Variants in SHISAL2B observed in about 807,000 individuals in gnomAD.
SHISAL2B encodes protein shisa-like-2B.
In SHISAL2B, 12 loss-of-function variants were observed where a neutral mutation model predicts 16.5. That is an observed-to-expected ratio of 0.73 (90% CI 0.47 to 1.18). SHISAL2B has a LOEUF of 1.18. Among genes scored for constraint, SHISAL2B ranks in the 50% most tolerant of loss-of-function variants. The pLI, the probability that SHISAL2B is intolerant of heterozygous loss-of-function variation, is 0.00. For synonymous variants in SHISAL2B, 72 were observed against 75.0 expected (o/e 0.96, Z 0.21); for missense variants, 183 against 193.6 (o/e 0.95, Z 0.33).
Position 64,690,545 on chromosome 5 carries a change from C to T in SHISAL2B, c.-79C>T. The T allele has an allele frequency of 1.6e-6, 2 of 1,230,332 alleles. No individual in the cohort carries two copies. The highest frequency in any genetic ancestry group is 2.1e-6 in the Non-Finnish European group (2 of 937,666). 76.2% of individuals were successfully genotyped at this position (1,230,332 alleles called of 1,614,324 possible). A position where few individuals can be genotyped will look rare whatever the true frequency, so the allele number is the denominator to read the frequency against. Reference sequence around the variant, plus strand: ...AGCCGAGTCCGGGCAGAGGGGTCCGCGGGCTCTGGAGGTGCTGGACGGGTG... The same window carrying T: ...AGCCGAGTCCGGGCAGAGGGGTCCGTGGGCTCTGGAGGTGCTGGACGGGTG... On this transcript the variant is annotated 5_prime_UTR_variant, in exon 1 of 3. Coordinates refer to ENST00000389074, the MANE Select transcript of SHISAL2B (RefSeq NM_001164442.2).
chr5:64,690,942 G>A, intron 1 of SHISAL2B, 128 bp downstream of exon 1: 1 of 751,372 alleles, frequency 1.3e-6, no homozygotes, highest in Non-Finnish European at 2.0e-6. Flanking sequence ...AGGTCCCTAC[G>A]GAAGGACGCG....
rs1169464183 is a variant in SHISAL2B at position 64,693,931 on chromosome 5, G to A, written c.192-1576G>A. On this transcript the variant is annotated intron_variant, in intron 1 of 2. Transcript: ENST00000389074. Reference sequence around the variant, plus strand: ...CGACTTCAAGTGTGTGCTTCAGGAGGCAATCTCTTCTTTGCAGGGGTGCTC... The same window carrying A: ...CGACTTCAAGTGTGTGCTTCAGGAGACAATCTCTTCTTTGCAGGGGTGCTC... Among the ~76,000 whole-genome samples, 3 of 152,274 alleles carry A rather than the reference G, an allele frequency of 2.0e-5. No homozygotes were observed. The East Asian group carries it at 5.8e-4, about 29-fold the overall frequency.
At chr5:64,710,661 AC>A (rs1163015636) in intron 2 of SHISAL2B, among the ~76,000 whole-genome samples, 1 of 112,262 alleles carries the variant, frequency 8.9e-6, no homozygotes, top group African/African-American at 4.8e-5. Flanking sequence ...GATTCTTCCT[AC>A]CCATGAGCAT....
intron 2 of SHISAL2B, among the ~76,000 whole-genome samples, chr5:64,705,590 T>G (rs1741864960): frequency 6.6e-6 from 1 of 152,236 alleles, no homozygotes; most frequent in South Asian, 2.1e-4. Context: ...GCTTAAATCT[T>G]TGATCTTTTA....
chr5:64,703,603 A>G (rs1055816478), intron 2 of SHISAL2B, among the ~76,000 whole-genome samples: 2 of 152,180 alleles, frequency 1.3e-5, no homozygotes, highest in African/African-American at 2.4e-5. Context: ...ATCTCATTGA[A>G]AATTATTTAT....
chr5:64,716,350 CTAA>C (rs750912252), intron 2 of SHISAL2B, among the ~76,000 whole-genome samples: 11 of 152,114 alleles, frequency 7.2e-5, no homozygotes, highest in Non-Finnish European at 1.5e-4. Context: ...ATACACTCAA[CTAA>C]TATTTATTGA....
intron 2 of SHISAL2B, among the ~76,000 whole-genome samples, chr5:64,713,332 G>C (rs922922712): frequency 8.3e-6 from 1 of 119,786 alleles, no homozygotes; most frequent in Admixed American, 8.2e-5. Context: ...ATTCTGGGTT[G>C]AAAATTCTTT....
At chr5:64,709,978 T>C (rs1344768618) in intron 2 of SHISAL2B, among the ~76,000 whole-genome samples, 4 of 150,546 alleles carry the variant, frequency 2.7e-5, no homozygotes, top group Non-Finnish European at 4.4e-5. Flanking sequence ...TTCTCCCATA[T>C]TGTAGGTTGC....
chr5:64,695,796 T>C, intron 2 of SHISAL2B, 132 bp downstream of exon 2: 1 of 604,694 alleles, frequency 1.7e-6, no homozygotes, highest in East Asian at 3.1e-5. Context: ...CACTAAAAAT[T>C]CACATTGAAT....
At chr5:64,695,161 A>T (rs1222006318) in intron 1 of SHISAL2B, among the ~76,000 whole-genome samples, 1 of 151,828 alleles carries the variant, frequency 6.6e-6, no homozygotes, top group Non-Finnish European at 1.5e-5. Flanking sequence ...GCTACTCGGG[A>T]GGCTGAGGCA....
chr5:64,699,259 A>C (rs1050878648), intron 2 of SHISAL2B, among the ~76,000 whole-genome samples: 4 of 152,214 alleles, frequency 2.6e-5, no homozygotes, highest in African/African-American at 9.6e-5. Context: ...GCTGCTTTCA[A>C]ATGAGGTGAT....
At chr5:64,703,422 C>T (rs766940382) in intron 2 of SHISAL2B, among the ~76,000 whole-genome samples, 1 of 152,066 alleles carries the variant, frequency 6.6e-6, no homozygotes, top group African/African-American at 2.4e-5. Context: ...GCTTTTGTTC[C>T]TACAATGTAG....
intron 1 of SHISAL2B, among the ~76,000 whole-genome samples, chr5:64,691,826 T>C (rs1741654969): frequency 6.6e-6 from 1 of 152,164 alleles, no homozygotes; most frequent in Non-Finnish European, 1.5e-5. Flanking sequence ...ACATATTCAT[T>C]AGTTTATGGG....
At chr5:64,695,397 T>TG (rs1386549004) in intron 1 of SHISAL2B, 110 bp from the exon 2 acceptor site, 1 of 637,352 alleles carries the variant, frequency 1.6e-6, no homozygotes, top group Non-Finnish European at 2.4e-6. Flanking sequence ...AAATACAATT[T>TG]GGTTATGAAT....
chr5:64,714,966 G>A (rs1475102156), intron 2 of SHISAL2B, among the ~76,000 whole-genome samples: 1 of 152,114 alleles, frequency 6.6e-6, no homozygotes, highest in Non-Finnish European at 1.5e-5. Context: ...GATGAACCCG[G>A]TACCTCAGAT....
intron 2 of SHISAL2B, 90 bp from the exon 3 acceptor site, chr5:64,717,799 A>T: frequency 8.5e-7 from 1 of 1,170,274 alleles, no homozygotes. Context: ...TATTTTCAAT[A>T]TTGCTACAAA....
At chr5:64,694,226 T>C in intron 1 of SHISAL2B, 1 of 374,200 alleles carries the variant, frequency 2.7e-6, no homozygotes, top group Non-Finnish European at 5.2e-6. Flanking sequence ...TCAATTATTA[T>C]TTATTTACAT....
At chr5:64,700,796 G>A (rs562190660) in intron 2 of SHISAL2B, among the ~76,000 whole-genome samples, 2 of 152,266 alleles carry the variant, frequency 1.3e-5, no homozygotes, top group Admixed American at 6.5e-5. Flanking sequence ...GCAGGTCGGG[G>A]GTGGGAGGGA....
At chr5:64,702,255 C>T (rs1480832756) in intron 2 of SHISAL2B, among the ~76,000 whole-genome samples, 2 of 151,662 alleles carry the variant, frequency 1.3e-5, no homozygotes, top group Non-Finnish European at 2.9e-5. Context: ...GGCTGGAGTG[C>T]AATGGTATGA....
Sources: allele counts gnomAD v4.1 joint callset (sites outside exome capture counted in the v4.1 genomes callset), GRCh38; gene constraint gnomAD v4.1.1; transcripts MANE v1.5; gene names NCBI Gene and HGNC (gene_info 2026-07-23, HGNC 2026-07-21).